Variants in DPYD observed in about 807,000 individuals in gnomAD.
The protein encoded by DPYD is dihydropyrimidine dehydrogenase.
DPYD carries 109 observed loss-of-function variants against 116.2 expected under a neutral mutation model. That is an observed-to-expected ratio of 0.94 (90% CI 0.80 to 1.10). The LOEUF (loss-of-function observed/expected upper bound fraction) is 1.10, where lower values mean the gene tolerates loss of function less well. DPYD is among the 50% of genes least tolerant of loss of function. DPYD has a pLI of 0.00. For synonymous variants in DPYD, 440 were observed against 432.0 expected, an observed-to-expected ratio of 1.02 and a Z score of -0.23; for missense variants, 1,302 against 1,254.5, an observed-to-expected ratio of 1.04 and a Z score of -0.57.
At chr1:97,841,908 A>G (rs1474665831) in intron 2 of DPYD, among the ~76,000 whole-genome samples, 1 of 151,968 alleles carries the variant, frequency 6.6e-6, no homozygotes, top group Non-Finnish European at 1.5e-5. Context: ...CTGTATCTGA[A>G]GGGCTTAAAC....
At chr1:97,599,860 CAAAAAAAAAAAAAAAAAA>C (rs56940277) in intron 8 of DPYD, among the ~76,000 whole-genome samples, 47 of 36,498 alleles carry the variant, frequency 1.3e-3, no homozygotes, top group Admixed American at 7.5e-3. Context: ...CCCATCTCCA[CAAAAAAAAAAAAAAAAAA>C]AAAAAAAAAA....
chr1:97,392,032 C>T (rs1037445898), intron 14 of DPYD, among the ~76,000 whole-genome samples: 9 of 151,988 alleles, frequency 5.9e-5, no homozygotes, highest in Non-Finnish European at 1.3e-4. Context: ...TCATTTGTAA[C>T]TGTGTGAATC....
At chr1:97,194,809 A>G (rs908593969) in intron 19 of DPYD, among the ~76,000 whole-genome samples, 1 of 152,132 alleles carries the variant, frequency 6.6e-6, no homozygotes, top group Non-Finnish European at 1.5e-5. Context: ...GGCCTCAGGT[A>G]TATCTTTATT....
chr1:97,119,866 G>C (rs1479896546), intron 20 of DPYD, among the ~76,000 whole-genome samples: 1 of 152,170 alleles, frequency 6.6e-6, no homozygotes. Flanking sequence ...CTGAAGCTGA[G>C]GGAGCAGTTT....
chr1:97,196,707 T>C (rs1658838519), intron 19 of DPYD, among the ~76,000 whole-genome samples: 1 of 152,154 alleles, frequency 6.6e-6, no homozygotes, highest in African/African-American at 2.4e-5. Context: ...AAGTGAGTCT[T>C]AGGAAAGTTA....
At chr1:97,383,214 C>T (rs550302335) in intron 14 of DPYD, among the ~76,000 whole-genome samples, 6 of 152,062 alleles carry the variant, frequency 3.9e-5, no homozygotes, top group East Asian at 2.0e-4. Flanking sequence ...TGGTGGCTCA[C>T]GCTTGTAATC....
At chr1:97,645,904 A>C (rs1475798858) in intron 8 of DPYD, among the ~76,000 whole-genome samples, 1 of 152,080 alleles carries the variant, frequency 6.6e-6, no homozygotes, top group East Asian at 1.9e-4. Flanking sequence ...CTGAATATCA[A>C]ATACTTGGCT....
chr1:97,278,160 A>C (rs1665077164), intron 18 of DPYD, among the ~76,000 whole-genome samples: 1 of 152,222 alleles, frequency 6.6e-6, no homozygotes, highest in Non-Finnish European at 1.5e-5. Context: ...ATTGCAGCTT[A>C]ATATTTTCCT....
At chr1:97,461,217 T>C (rs574107358) in intron 13 of DPYD, among the ~76,000 whole-genome samples, 1 of 152,212 alleles carries the variant, frequency 6.6e-6, no homozygotes, top group East Asian at 1.9e-4. Context: ...CCTACTTCAT[T>C]CTGTAGCTCA....
intron 2 of DPYD, among the ~76,000 whole-genome samples, chr1:97,866,069 C>T (rs1671359373): frequency 6.6e-6 from 1 of 151,914 alleles, no homozygotes; most frequent in Non-Finnish European, 1.5e-5. Flanking sequence ...GATGGAAATG[C>T]ATGCAGTTAC....
chr1:97,907,629 G>A (rs1673704224), intron 1 of DPYD, among the ~76,000 whole-genome samples: 1 of 152,020 alleles, frequency 6.6e-6, no homozygotes, highest in African/African-American at 2.4e-5. Flanking sequence ...TCTTACAAAT[G>A]TTAGTTATCC....
chr1:97,485,426 T>A (rs1678575129), intron 13 of DPYD, among the ~76,000 whole-genome samples: 1 of 152,210 alleles, frequency 6.6e-6, no homozygotes, highest in Non-Finnish European at 1.5e-5. Flanking sequence ...GGTCTCGAAC[T>A]CCTGAGCTCA....
rs377733077 is a variant in DPYD, at chr1:97,118,057, T to C, written c.2623-19425A>G. On this transcript the variant is annotated intron_variant, in intron 20 of 22. Coordinates refer to ENST00000370192, the MANE Select transcript of DPYD (RefSeq NM_000110.4). Reference sequence around the variant, plus strand: ...TTAAAGGATTCTGTTTTCATTCTTATAGAATACATTTTTGCTTCCTTTTTG... The same window carrying C: ...TTAAAGGATTCTGTTTTCATTCTTACAGAATACATTTTTGCTTCCTTTTTG... Among the ~76,000 whole-genome samples, 11 of 152,358 alleles carry C rather than the reference T, an allele frequency of 7.2e-5. No homozygotes were observed. In the East Asian group the frequency reaches 1.9e-3, roughly 27 times the overall value.
rs1677513093 is a variant in DPYD, at chr1:97,469,412, A to AAAAAAAAAAAAAAAAAAAT, written c.1741-19190_1741-19189insATTTTTTTTTTTTTTTTTT. Among the ~76,000 whole-genome samples, 2 of 149,124 alleles carry AAAAAAAAAAAAAAAAAAAT rather than the reference A, an allele frequency of 1.3e-5. 1 individual carries two copies. Among genetic ancestry groups the AAAAAAAAAAAAAAAAAAAT allele is most frequent in the African/African-American group, 4.9e-5 (2 of 40,612 alleles). The stretch of plus-strand genomic sequence containing the variant: ...GCTAAAATTGCAAAAAAAAAAAAAA[A>AAAAAAAAAAAAAAAAAAAT]AAAAAAAAAAAAAAAAGACAAATAA... On this transcript the variant is annotated intron_variant, in intron 13 of 22. Transcript: ENST00000370192.
intron 13 of DPYD, among the ~76,000 whole-genome samples, chr1:97,468,679 C>A (rs948592520): frequency 6.6e-6 from 1 of 152,188 alleles, no homozygotes; most frequent in Non-Finnish European, 1.5e-5. Context: ...ATAGGCAGTA[C>A]AGAAACAGGT....
At chr1:97,465,842 C>G (rs1477548103) in intron 13 of DPYD, among the ~76,000 whole-genome samples, 1 of 152,198 alleles carries the variant, frequency 6.6e-6, no homozygotes, top group Non-Finnish European at 1.5e-5. Context: ...CCTACTGAGG[C>G]TGTGTCATGG....
intron 11 of DPYD, among the ~76,000 whole-genome samples, chr1:97,556,641 T>A (rs1651743629): frequency 6.6e-6 from 1 of 150,800 alleles, no homozygotes; most frequent in Non-Finnish European, 1.5e-5. Flanking sequence ...TTACTGAGAA[T>A]GATGATTTCC....
At chr1:97,817,368 T>C (rs1339760419) in intron 3 of DPYD, among the ~76,000 whole-genome samples, 1 of 152,122 alleles carries the variant, frequency 6.6e-6, no homozygotes, top group Non-Finnish European at 1.5e-5. Flanking sequence ...GGAAGGTATT[T>C]AGTACACATC....
chr1:97,337,362 C>A (rs1669350586), intron 16 of DPYD, among the ~76,000 whole-genome samples: 1 of 152,150 alleles, frequency 6.6e-6, no homozygotes, highest in Non-Finnish European at 1.5e-5. Context: ...TGAGTCAGAG[C>A]TGGGAGGAAG....
Sources: allele counts gnomAD v4.1 joint callset (sites outside exome capture counted in the v4.1 genomes callset), GRCh38; gene constraint gnomAD v4.1.1; transcripts MANE v1.5; gene names NCBI Gene and HGNC (gene_info 2026-07-23, HGNC 2026-07-21).